The following MYL3 variants were observed in gnomAD, a reference collection of about 807,000 sequenced individuals.
The protein encoded by MYL3 is CMLC1.
Under a neutral mutation model 21.3 loss-of-function variants are expected in MYL3, and 11 were observed. The ratio of observed to expected loss-of-function variants is 0.52; its 90% CI spans 0.32 to 0.85. The LOEUF (loss-of-function observed/expected upper bound fraction) is 0.85. Among genes scored for constraint, MYL3 ranks in the 40% least tolerant of loss-of-function variants. The pLI, the probability that MYL3 is intolerant of heterozygous loss-of-function variation, is 0.03. For missense variants in MYL3, 206 were observed against 253.3 expected (o/e 0.81, Z 1.27); for synonymous variants, 88 against 91.6 (o/e 0.96, Z 0.22).
In MYL3 at chr3:46,863,323, G is replaced by A. The variant is rs1430386484; in HGVS notation, c.68C>T (p.Pro23Leu). The A allele has an allele frequency of 6.2e-7, 1 of 1,613,910 alleles. No individual in the cohort carries two copies. ...GCGCTCAGGCTCAGGGGGAGGTGCG[G>A]GAGCTGGAGCTGCCTTGGGGGCTGC... ...AKAAPKAAPA[P>L]APPPEPERPK... The change falls in exon 1 of 7, where the codon CCC becomes CTC. Residue 23 changes from proline (P) to leucine (L), a missense_variant. By Grantham distance (98) the Pro-to-Leu change is moderately conservative (BLOSUM62 -3). Transcript: ENST00000292327.
chr3:46,859,243 C>T lies in MYL3; in HGVS notation c.481+232G>A, dbSNP rs898936154. On this transcript the variant is annotated intron_variant, in intron 4 of 6. Coordinates refer to ENST00000292327, the MANE Select transcript of MYL3 (RefSeq NM_000258.3). The surrounding 1 kb of genome is among the most constrained non-coding windows in gnomAD (Gnocchi z 4.1). ...GGAGGGGAGCATATCAAGACGGCTC[C>T]TTCCTGCCCTGCTCTGTCCCCAGAG... Among the ~76,000 whole-genome samples the T allele has an allele frequency of 6.6e-6, 1 of 152,162 alleles. No homozygotes were observed. Among genetic ancestry groups the T allele is most frequent in the Non-Finnish European group, 1.5e-5 (1 of 68,018 alleles).
intron 1 of MYL3, among the ~76,000 whole-genome samples, chr3:46,877,576 C>G (rs762169537): frequency 6.6e-6 from 1 of 152,196 alleles, no homozygotes; most frequent in South Asian, 2.1e-4. Context: ...ATCTGAACAC[C>G]GGCACACTTG....
chr3:46,866,773 G>T (rs1170106197), upstream of MYL3, among the ~76,000 whole-genome samples: 1 of 152,092 alleles, frequency 6.6e-6, no homozygotes, highest in African/African-American at 2.4e-5. Context: ...CGGTGCAGAG[G>T]GCACTCTGGG....
intron 1 of MYL3, among the ~76,000 whole-genome samples, chr3:46,872,345 T>C (rs1056653627): frequency 2.0e-5 from 3 of 152,086 alleles, no homozygotes; most frequent in Admixed American, 1.3e-4. Flanking sequence ...AGCCCATCCA[T>C]CCAAAGGGAG....
chr3:46,858,577 C>T, intron 4 of MYL3, 116 bp from the exon 5 acceptor site: 1 of 984,176 alleles, frequency 1.0e-6, no homozygotes, highest in Non-Finnish European at 1.6e-6. Context: ...CCACAACCAG[C>T]ACTGTTCACA....
At chr3:46,858,873 T>C (rs1701960853) in intron 4 of MYL3, among the ~76,000 whole-genome samples, 1 of 152,106 alleles carries the variant, frequency 6.6e-6, no homozygotes, top group African/African-American at 2.4e-5. Context: ...CGTACTTCTG[T>C]GTGCTGTGCT....
upstream of MYL3, among the ~76,000 whole-genome samples, chr3:46,866,191 T>C (rs1046979555): frequency 6.6e-6 from 1 of 152,168 alleles, no homozygotes; most frequent in African/African-American, 2.4e-5. Context: ...CTCTCCCACA[T>C]CCCAACCTGA....
At position 46,874,779 on chromosome 3, in the gene MYL3, A is replaced by C. The variant is rs906215154; in HGVS notation, c.-218+7295T>G. On this transcript the variant is annotated intron_variant, in intron 1 of 3. Coordinates refer to the MYL3 transcript ENST00000431168. This position sits in a 1 kb window ranked among gnomAD's most constrained non-coding sequence, Gnocchi z 4.1. ...GCACTAGGCTTCTGGGGATTTTACA[A>C]CCACTGGAGCGGGAAATCACACTCT... Among the ~76,000 whole-genome samples, 3 of 152,066 alleles carry C rather than the reference A, an allele frequency of 2.0e-5. No homozygotes were observed. Among genetic ancestry groups the C allele is most frequent in the African/African-American group, 7.2e-5 (3 of 41,390 alleles).
intron 1 of MYL3, among the ~76,000 whole-genome samples, chr3:46,873,063 G>A (rs539809637): frequency 1.4e-4 from 22 of 152,202 alleles, no homozygotes; most frequent in South Asian, 2.1e-4. Flanking sequence ...AGGGCTCGCC[G>A]TCTATTGGGA....
intron 1 of MYL3, among the ~76,000 whole-genome samples, chr3:46,871,474 G>A (rs759026851): frequency 1.8e-4 from 27 of 152,070 alleles, no homozygotes; most frequent in Admixed American, 1.3e-3. Context: ...CTTGGCTCTC[G>A]TGGGAAAGGA....
At position 46,858,084 on chromosome 3, in the gene MYL3, C is replaced by G; in HGVS notation, c.*31G>C. ...ACATGGGAGATGAGACGTCCCTGCA[C>G]AGCCTTCCCTGGGCTTCCTGAGAGC... On this transcript the variant is annotated 3_prime_UTR_variant, in exon 7 of 7. Coordinates refer to ENST00000292327, the MANE Select transcript of MYL3 (RefSeq NM_000258.3). The G allele has an allele frequency of 1.1e-6, 1 of 943,374 alleles. No homozygotes were observed. Among genetic ancestry groups the G allele is most frequent in the Non-Finnish European group, 1.7e-6 (1 of 595,108 alleles). 58.4% of individuals were successfully genotyped at this position (943,374 alleles called of 1,614,324 possible).
upstream of MYL3, among the ~76,000 whole-genome samples, chr3:46,865,829 C>T (rs1234267788): frequency 2.0e-5 from 3 of 152,164 alleles, no homozygotes; most frequent in Admixed American, 2.0e-4. This position sits in a 1 kb window ranked among gnomAD's most constrained non-coding sequence, Gnocchi z 4.3. Context: ...GGTCCTGCAG[C>T]AGGGACAGGG....
chr3:46,863,214 C>T (rs756544585), intron 1 of MYL3, 48 bp downstream of exon 1: 7 of 1,612,388 alleles, frequency 4.3e-6, no homozygotes, highest in Non-Finnish European at 5.9e-6. Flanking sequence ...CTCTGGGATC[C>T]ACTCACTTGC....
chr3:46,879,371 T>G lies in MYL3; in HGVS notation c.-218+2703A>C, dbSNP rs555321547. 6.6e-6 allele frequency among the ~76,000 whole-genome samples: 1 copy of G among 152,320 alleles called. No homozygotes were observed. Among genetic ancestry groups the G allele is most frequent in the South Asian group, 2.1e-4 (1 of 4,822 alleles). On this transcript the variant is annotated intron_variant, in intron 1 of 3. Coordinates refer to the MYL3 transcript ENST00000431168. The surrounding 1 kb of genome is among the most constrained non-coding windows in gnomAD (Gnocchi z 4.7). Reference sequence around the variant, plus strand: ...AGTCCTTCCAATCCCTCCATTAATGTTCTTTTCTCATCACCAAGGGGGAAA... The same window carrying G: ...AGTCCTTCCAATCCCTCCATTAATGGTCTTTTCTCATCACCAAGGGGGAAA...
In MYL3 at chr3:46,860,888, C is replaced by A; in HGVS notation, c.158-63G>T. ...GGTCAGCCTACCCCACTCCCCACACCCCTGGCAGGACCCTCAGACCAGGGA... is the reference window on the plus strand; with the variant it reads ...GGTCAGCCTACCCCACTCCCCACACACCTGGCAGGACCCTCAGACCAGGGA... On this transcript the variant is annotated intron_variant, in intron 2 of 6. Coordinates refer to ENST00000292327, the MANE Select transcript of MYL3 (RefSeq NM_000258.3). This position sits in a 1 kb window ranked among gnomAD's most constrained non-coding sequence, Gnocchi z 4.6. 1 of 1,614,128 alleles carries A rather than the reference C, an allele frequency of 6.2e-7. No homozygotes were observed. The highest frequency in any genetic ancestry group is 1.1e-5 in the South Asian group (1 of 91,080).
chr3:46,860,873 C>A lies in MYL3; in HGVS notation c.158-48G>T. 6.2e-7 allele frequency: 1 copy of A among 1,614,090 alleles called. No individual in the cohort carries two copies. The highest frequency in any genetic ancestry group is 1.7e-5 in the Admixed American group (1 of 60,014). On this transcript the variant is annotated intron_variant, in intron 2 of 6. Coordinates refer to ENST00000292327, the MANE Select transcript of MYL3 (RefSeq NM_000258.3). This position sits in a 1 kb window ranked among gnomAD's most constrained non-coding sequence, Gnocchi z 4.6. ...CACAGACACTCCCAGGGTCAGCCTA[C>A]CCCACTCCCCACACCCCTGGCAGGA... is the stretch of plus-strand genomic sequence containing the variant.
Position 46,860,630 on chromosome 3 carries a change from T to C in MYL3, c.307+46A>G, listed in dbSNP as rs1367172199. 2 of 1,607,288 alleles carry C rather than the reference T, an allele frequency of 1.2e-6. No individual in the cohort carries two copies. The highest frequency in any genetic ancestry group is 1.1e-5 in the South Asian group (1 of 90,982). ...GATGGATGGCAGCCCACCCAGCCAG[T>C]CTCCCCGGTACTAACACTATGGGGG... On this transcript the variant is annotated intron_variant, in intron 3 of 6. Coordinates refer to ENST00000292327, the MANE Select transcript of MYL3 (RefSeq NM_000258.3). The surrounding 1 kb of genome is among the most constrained non-coding windows in gnomAD (Gnocchi z 4.6).
chr3:46,876,944 G>A (rs955674268), intron 1 of MYL3, among the ~76,000 whole-genome samples: 1 of 152,178 alleles, frequency 6.6e-6, no homozygotes, highest in Admixed American at 6.5e-5. Flanking sequence ...TCTTCATCCT[G>A]AGCAACCAGC....
In MYL3 at chr3:46,879,780, G is replaced by A. The variant is rs1433795298; in HGVS notation, c.-218+2294C>T. ...AAAAATGCTGCGTGTGGTGGCTCAC[G>A]CTTGTAATCTCAACACTTTGGGAGG... is the stretch of plus-strand genomic sequence containing the variant. On this transcript the variant is annotated intron_variant, in intron 1 of 3. Transcript: ENST00000431168. This position sits in a 1 kb window ranked among gnomAD's most constrained non-coding sequence, Gnocchi z 4.7. Among the ~76,000 whole-genome samples the A allele has an allele frequency of 2.0e-5, 3 of 151,740 alleles. No homozygotes were observed. The highest frequency in any genetic ancestry group is 2.1e-4 in the South Asian group (1 of 4,812).
Sources: allele counts gnomAD v4.1 joint callset (sites outside exome capture counted in the v4.1 genomes callset), GRCh38; gene constraint gnomAD v4.1.1; non-coding constraint Gnocchi (gnomAD v3.1); transcripts MANE v1.5; gene names NCBI Gene and HGNC (gene_info 2026-07-23, HGNC 2026-07-21).